The following PYGL variants were observed in gnomAD, a reference collection of about 807,000 sequenced individuals.
PYGL encodes the protein glycogen phosphorylase, liver form.
PYGL carries 90 observed loss-of-function variants against 100.1 expected under a neutral mutation model. The observed-to-expected ratio is 0.90, with a 90% confidence interval of 0.76 to 1.07. The LOEUF (loss-of-function observed/expected upper bound fraction) is 1.07. Ranked by LOEUF, PYGL falls within the 50% of genes least tolerant of loss-of-function variation. PYGL has a pLI of 0.00. For synonymous variants in PYGL, 373 were observed against 393.0 expected, an observed-to-expected ratio of 0.95 and a Z score of 0.60; for missense variants, 1,016 against 1,057.6, an observed-to-expected ratio of 0.96 and a Z score of 0.55.
At chr14:50,937,702 G>C (rs769337004) in intron 2 of PYGL, 34 bp downstream of exon 2, 1 of 1,567,128 alleles carries the variant, frequency 6.4e-7, no homozygotes, top group African/African-American at 1.4e-5. Context: ...GAAATTTAAA[G>C]AGACAGGATG....
intron 19 of PYGL, among the ~76,000 whole-genome samples, chr14:50,907,981 C>T (rs375994011): frequency 6.8e-6 from 1 of 147,554 alleles, no homozygotes; most frequent in South Asian, 2.1e-4. Flanking sequence ...AGGATCACGC[C>T]GCTGCACTCC....
At chr14:50,937,652 T>C (rs1197440573) in intron 2 of PYGL, 84 bp downstream of exon 2, 2 of 1,340,510 alleles carry the variant, frequency 1.5e-6, no homozygotes, top group African/African-American at 2.9e-5. Context: ...TTTTACTTTA[T>C]TTTTTTGTGC....
At chr14:50,941,901 A>G (rs1384695617) in intron 1 of PYGL, among the ~76,000 whole-genome samples, 2 of 152,168 alleles carry the variant, frequency 1.3e-5, no homozygotes, top group Non-Finnish European at 1.5e-5. Flanking sequence ...ACACGGGAAG[A>G]TGGGGCAGGA....
At position 50,912,163 on chromosome 14, in the gene PYGL, C is replaced by T; in HGVS notation, c.1761G>A (p.Met587Ile). Reference protein sequence around the residue: ...QLLNCLHVITMYNRIKKDPKK... With the variant: ...QLLNCLHVITIYNRIKKDPKK... ...GCTACAGGGCTGACTCACGGTTGTACATCGTGATCACATGCAGACAGTTCA... is the reference window on the plus strand; with the variant it reads ...GCTACAGGGCTGACTCACGGTTGTATATCGTGATCACATGCAGACAGTTCA... The change falls in exon 14 of 20, where the codon ATG (methionine) becomes ATA (isoleucine). Residue 587 changes from methionine (M) to isoleucine (I), a missense_variant. Physicochemically the swap from Met to Ile is conservative, Grantham distance 10. Coordinates refer to ENST00000216392, the MANE Select transcript of PYGL (RefSeq NM_002863.5). The T allele has an allele frequency of 6.2e-7, 1 of 1,614,230 alleles. No individual in the cohort carries two copies. Among genetic ancestry groups the T allele is most frequent in the Non-Finnish European group, 8.5e-7 (1 of 1,180,048 alleles).
At chr14:50,940,620 C>T (rs566451024) in intron 1 of PYGL, among the ~76,000 whole-genome samples, 1 of 152,146 alleles carries the variant, frequency 6.6e-6, no homozygotes, top group Non-Finnish European at 1.5e-5. Context: ...AAAAATAGAT[C>T]TTGGCCATAC....
At chr14:50,911,680 A>C in intron 16 of PYGL, 50 bp downstream of exon 16, 1 of 1,605,724 alleles carries the variant, frequency 6.2e-7, no homozygotes, top group Non-Finnish European at 8.5e-7. Flanking sequence ...ATACCATGTA[A>C]TCTCTAGAGT....
intron 7 of PYGL, 102 bp downstream of exon 7, chr14:50,920,439 T>C (rs1362897966): frequency 6.1e-6 from 7 of 1,156,394 alleles, no homozygotes; most frequent in Non-Finnish European, 7.8e-6. Flanking sequence ...GTTCTGCACA[T>C]GGAAAAACAT....
At chr14:50,917,250 C>T (rs753715579) in intron 7 of PYGL, 145 bp from the exon 8 acceptor site, 1 of 901,478 alleles carries the variant, frequency 1.1e-6, no homozygotes, top group Non-Finnish European at 1.8e-6. Context: ...AAACTGTGAG[C>T]CTTTGCTCTT....
At chr14:50,908,164 G>T in intron 19 of PYGL, 107 bp downstream of exon 19, 1 of 843,288 alleles carries the variant, frequency 1.2e-6, no homozygotes. Context: ...GCTTAATGGG[G>T]ATCTGATATT....
chr14:50,909,890 C>G lies in PYGL; in HGVS notation c.2177+5G>C. 1 of 1,614,154 alleles carries G rather than the reference C, an allele frequency of 6.2e-7. No individual in the cohort carries two copies. The highest frequency in any genetic ancestry group is 1.1e-5 in the South Asian group (1 of 91,074). On this transcript the variant is annotated splice_donor_5th_base_variant and intron_variant, in intron 17 of 19. Transcript: ENST00000216392. ...CTGCCTAGCAAAGAGAAGCTATTCT[C>G]TTACCCTTTCTTGTCCAAAGCAGCC...
rs769755178 is a variant in PYGL at position 50,909,923 on chromosome 14, CT to C, written c.2148del (p.Ile716MetfsTer24). On this transcript the variant is annotated frameshift_variant, in exon 17 of 20. Coordinates refer to ENST00000216392, the MANE Select transcript of PYGL (RefSeq NM_002863.5). LOFTEE classifies it high-confidence loss of function. ...TTCTTGTCCAAAGCAGCCACATCATCTATCCTCATGCCAAAGATGAACAGGT... is the reference window on the plus strand; with the variant it reads ...TTCTTGTCCAAAGCAGCCACATCATCATCCTCATGCCAAAGATGAACAGGT... ...EENLFIFGMR[I>X]DDVAALDKKG... 3 of 1,614,200 alleles carry C rather than the reference CT, an allele frequency of 1.9e-6. No homozygotes were observed. In the South Asian group the frequency reaches 3.3e-5, roughly 18 times the overall value.
chr14:50,943,759 G>C (rs2050721745), intron 1 of PYGL, among the ~76,000 whole-genome samples: 1 of 152,232 alleles, frequency 6.6e-6, no homozygotes, highest in African/African-American at 2.4e-5. Flanking sequence ...TTAGGGCTGA[G>C]TGTCCAGGGC....
In PYGL at chr14:50,911,834, T is replaced by A; in HGVS notation, c.1865A>T (p.Lys622Met). The A allele has an allele frequency of 6.2e-7, 1 of 1,613,334 alleles. No individual in the cohort carries two copies. Among genetic ancestry groups the A allele is most frequent in the South Asian group, 1.1e-5 (1 of 91,042 alleles). ...CACATCTGCCACTGAAGTGATCAGC[T>A]TTATGATCATTTTGGCCATGTGATA... ...PGYHMAKMII[K>M]LITSVADVVN... Residue 622 changes from lysine to methionine, a missense_variant, in exon 16 of 20, where the codon AAG (lysine) becomes ATG (methionine). Transcript: ENST00000216392.
rs1475055439 is a variant in PYGL at position 50,931,788 on chromosome 14, A to G, written c.425-12T>C. On this transcript the variant is annotated splice_polypyrimidine_tract_variant and intron_variant, in intron 3 of 19. Transcript: ENST00000216392. Reference sequence around the variant, plus strand: ...ATCCAAGAAGCAGGCTACATTCAACAGAGCACAGGCAAAAGATAGAGTCAT... The same window carrying G: ...ATCCAAGAAGCAGGCTACATTCAACGGAGCACAGGCAAAAGATAGAGTCAT... The G allele has an allele frequency of 6.2e-7, 1 of 1,610,008 alleles. No homozygotes were observed.
rs749922511 is a variant in PYGL, at chr14:50,921,031, C to A, written c.697G>T (p.Gly233Cys). Residue 233 changes from glycine to cysteine, a missense_variant, in exon 6 of 20, where the codon GGC (glycine) becomes TGC (cysteine). Coordinates refer to ENST00000216392, the MANE Select transcript of PYGL (RefSeq NM_002863.5). ...LALPYDTPVPGYMNNTVNTMR... is the reference protein window; with the variant it reads ...LALPYDTPVPCYMNNTVNTMR... Reference sequence around the variant, plus strand: ...GTGTTGACAGTGTTATTCATGTAGCCGGGCACGGGGGTGTCATATGGCAGA... The same window carrying A: ...GTGTTGACAGTGTTATTCATGTAGCAGGGCACGGGGGTGTCATATGGCAGA... The A allele has an allele frequency of 6.2e-7, 1 of 1,614,160 alleles. No homozygotes were observed. Among genetic ancestry groups the A allele is most frequent in the South Asian group, 1.1e-5 (1 of 91,080 alleles).
Position 50,925,741 on chromosome 14 carries a change from G to A in PYGL, c.529-1641C>T, listed in dbSNP as rs1352007095. Among the ~76,000 whole-genome samples the A allele has an allele frequency of 2.0e-5, 3 of 152,190 alleles. No individual in the cohort carries two copies. In the East Asian group the frequency reaches 5.8e-4, roughly 29 times the overall value. Reference sequence around the variant, plus strand: ...AGCTTCCCACTAATATTAACTACCAGTGTAATGATGAATGGAAATGGGACT... The same window carrying A: ...AGCTTCCCACTAATATTAACTACCAATGTAATGATGAATGGAAATGGGACT... On this transcript the variant is annotated intron_variant, in intron 4 of 19. Transcript: ENST00000216392.
In PYGL at chr14:50,913,128, T is replaced by C. The variant is rs767347248; in HGVS notation, c.1521A>G (p.Lys507=). ...GGTCTTTCACATAGTCTTCTCCAAT[T>C]TTCTTTCAATTCAAAGGAAAAGATG... is the stretch of plus-strand genomic sequence containing the variant. ...NPGLAELIAE[K]IGEDYVKDLS... The change falls in exon 13 of 20, where the codon AAA becomes AAG. Residue 507 remains lysine, a splice_region_variant and synonymous_variant. Coordinates refer to ENST00000216392, the MANE Select transcript of PYGL (RefSeq NM_002863.5). 6.2e-7 allele frequency: 1 copy of C among 1,613,276 alleles called. No homozygotes were observed. The highest frequency in any genetic ancestry group is 2.2e-5 in the East Asian group (1 of 44,834).
rs1459381312 is a variant in PYGL at position 50,915,519 on chromosome 14, G to A, written c.1240-20C>T. 6.2e-7 allele frequency: 1 copy of A among 1,613,862 alleles called. No individual in the cohort carries two copies. Among genetic ancestry groups the A allele is most frequent in the Non-Finnish European group, 8.5e-7 (1 of 1,179,920 alleles). On this transcript the variant is annotated intron_variant, in intron 10 of 19. Coordinates refer to ENST00000216392, the MANE Select transcript of PYGL (RefSeq NM_002863.5). ...AATTCTCTAGCCAAAGGAAGAGAAA[G>A]CCCTTGCTGGTCACTCAGGTTTAAT...
intron 1 of PYGL, among the ~76,000 whole-genome samples, chr14:50,941,294 C>T (rs1461427975): frequency 6.6e-6 from 1 of 152,110 alleles, no homozygotes; most frequent in Admixed American, 6.6e-5. Flanking sequence ...GTCCTGACCA[C>T]AGGCGCTAAA....
Sources: gnomAD v4.1 joint callset for allele counts (sites outside exome capture counted in the v4.1 genomes callset) on GRCh38, gnomAD v4.1.1 for gene constraint, MANE v1.5 for transcripts, NCBI Gene and HGNC (gene_info 2026-07-23, HGNC 2026-07-21) for gene names.